ATG10: variants seen among roughly 807,000 people sequenced by gnomAD.
ATG10 encodes ubiquitin-like-conjugating enzyme ATG10.
A neutral mutation model predicts 32.1 loss-of-function variants in ATG10; 30 were observed. The observed-to-expected ratio is 0.94, with a 90% CI of 0.70 to 1.27. ATG10 has a LOEUF of 1.27. ATG10 is among the 50% of genes most tolerant of loss of function. ATG10 has a pLI of 0.00. For missense variants in ATG10, 233 were observed against 262.3 expected (o/e 0.89, Z 0.77); for synonymous variants, 87 against 91.5 (o/e 0.95, Z 0.28).
intron 1 of ATG10, among the ~76,000 whole-genome samples, chr5:81,981,921 T>C (rs960908296): frequency 6.6e-6 from 1 of 152,218 alleles, no homozygotes; most frequent in Non-Finnish European, 1.5e-5. Flanking sequence ...TAAGGCTGCT[T>C]TTCTGGAAAG....
intron 5 of ATG10, among the ~76,000 whole-genome samples, chr5:82,179,507 C>T (rs1178899596): frequency 1.1e-4 from 16 of 151,722 alleles, no homozygotes. Context: ...TAGTGATTTG[C>T]AAAAGTAGAG....
intron 1 of ATG10, among the ~76,000 whole-genome samples, chr5:81,977,997 G>A (rs1760916584): frequency 6.6e-6 from 1 of 152,076 alleles, no homozygotes; most frequent in South Asian, 2.1e-4. Context: ...ATGGCACTTG[G>A]TAGTATATTT....
intron 5 of ATG10, among the ~76,000 whole-genome samples, chr5:82,234,850 C>T (rs1365384405): frequency 2.0e-5 from 3 of 152,224 alleles, no homozygotes; most frequent in African/African-American, 7.2e-5. Context: ...ACATTAGGTG[C>T]TTTGCTGCCT....
chr5:82,007,087 C>T (rs995180545), intron 2 of ATG10, among the ~76,000 whole-genome samples: 6 of 152,086 alleles, frequency 3.9e-5, no homozygotes, highest in Non-Finnish European at 7.4e-5. Context: ...CTCTTGACCT[C>T]GTGATCTGCC....
intron 2 of ATG10, among the ~76,000 whole-genome samples, chr5:82,051,150 C>CT (rs1455550430): frequency 8.5e-5 from 13 of 152,106 alleles, no homozygotes; most frequent in African/African-American, 3.1e-4. Context: ...TAATTCCCAG[C>CT]TAGAGAACAA....
intron 2 of ATG10, among the ~76,000 whole-genome samples, chr5:82,048,017 C>G (rs911326592): frequency 5.4e-5 from 8 of 147,544 alleles, no homozygotes; most frequent in Non-Finnish European, 1.0e-4. Flanking sequence ...TGTCAAAGAT[C>G]AGATAGTTGT....
At chr5:82,085,260 T>A (rs989956707) in intron 3 of ATG10, among the ~76,000 whole-genome samples, 6 of 151,966 alleles carry the variant, frequency 3.9e-5, no homozygotes, top group African/African-American at 1.5e-4. Flanking sequence ...GGTAAAGGGA[T>A]CAATTCAACA....
chr5:82,047,861 A>G (rs1171579723), intron 2 of ATG10, among the ~76,000 whole-genome samples: 4 of 152,170 alleles, frequency 2.6e-5, no homozygotes, highest in African/African-American at 9.7e-5. Flanking sequence ...GTCTAACGTT[A>G]AAGTCTTTAA....
intron 3 of ATG10, among the ~76,000 whole-genome samples, chr5:82,093,341 T>G (rs571105995): frequency 3.3e-5 from 5 of 152,218 alleles, no homozygotes; most frequent in Admixed American, 3.3e-4. Context: ...TCTATTGTTA[T>G]GTCTTCAAGT....
At chr5:82,167,390 T>C (rs920979091) in intron 4 of ATG10, among the ~76,000 whole-genome samples, 1 of 152,214 alleles carries the variant, frequency 6.6e-6, no homozygotes, top group Non-Finnish European at 1.5e-5. Flanking sequence ...TATATGTATG[T>C]ATATATATGG....
chr5:81,982,783 C>G (rs569219794), intron 1 of ATG10, among the ~76,000 whole-genome samples: 1 of 152,220 alleles, frequency 6.6e-6, no homozygotes, highest in Non-Finnish European at 1.5e-5. Context: ...GCATGCTGCC[C>G]TCAAGCATCT....
intron 5 of ATG10, among the ~76,000 whole-genome samples, chr5:82,200,863 CATTA>C (rs1745043447): frequency 2.2e-5 from 3 of 133,444 alleles, no homozygotes; most frequent in African/African-American, 8.8e-5. Flanking sequence ...TTTAAAAATA[CATTA>C]TTTATTTATT....
intron 2 of ATG10, among the ~76,000 whole-genome samples, chr5:82,010,839 T>C (rs953898421): frequency 3.9e-5 from 6 of 152,242 alleles, no homozygotes; most frequent in African/African-American, 1.4e-4. Context: ...ATAGCAGCAA[T>C]TGCTTGTGTT....
chr5:82,143,663 G>C (rs1767235449), intron 3 of ATG10, among the ~76,000 whole-genome samples: 1 of 152,222 alleles, frequency 6.6e-6, no homozygotes, highest in African/African-American at 2.4e-5. Context: ...GGGAGTCAAA[G>C]ACAGATTGGA....
At position 82,169,947 on chromosome 5, in the gene ATG10, C is replaced by T. The variant is rs910060906; in HGVS notation, c.355+5410C>T. ...ATAGAAGTCACATGCTGGGTTAGAA[C>T]ATATGATAGCAATAGAATCTCATTG... On this transcript the variant is annotated intron_variant, in intron 4 of 7. Coordinates refer to ENST00000282185, the MANE Select transcript of ATG10 (RefSeq NM_031482.5). Among the ~76,000 whole-genome samples the T allele has an allele frequency of 2.0e-5, 3 of 152,090 alleles. No individual in the cohort carries two copies. The East Asian group carries it at 5.8e-4, about 29-fold the overall frequency.
intron 3 of ATG10, among the ~76,000 whole-genome samples, chr5:82,125,228 C>T (rs902373316): frequency 6.6e-6 from 1 of 152,120 alleles, no homozygotes; most frequent in Non-Finnish European, 1.5e-5. Context: ...TTCTCCCATT[C>T]TGTAGGTTGC....
chr5:82,090,375 G>C (rs556338627), intron 3 of ATG10, among the ~76,000 whole-genome samples: 2 of 152,084 alleles, frequency 1.3e-5, no homozygotes, highest in Admixed American at 6.6e-5. Flanking sequence ...TCCTTTAATG[G>C]GTGAATGGTT....
intron 4 of ATG10, among the ~76,000 whole-genome samples, chr5:82,170,422 G>A (rs994386436): frequency 1.3e-5 from 2 of 152,130 alleles, no homozygotes; most frequent in Non-Finnish European, 1.5e-5. Flanking sequence ...AGCAGTATTC[G>A]AGTCTATATG....
intron 2 of ATG10, among the ~76,000 whole-genome samples, chr5:82,010,518 A>G (rs1762100104): frequency 6.6e-6 from 1 of 152,186 alleles, no homozygotes; most frequent in Non-Finnish European, 1.5e-5. Context: ...TAATTAATTA[A>G]TTAACTAATT....
Sources: allele counts gnomAD v4.1 joint callset (sites outside exome capture counted in the v4.1 genomes callset), GRCh38; gene constraint gnomAD v4.1.1; transcripts MANE v1.5; gene names NCBI Gene and HGNC (gene_info 2026-07-23, HGNC 2026-07-21).